GOLGA7: variants seen among roughly 807,000 people sequenced by gnomAD.
GOLGA7 encodes golgin A7.
In GOLGA7, 10 loss-of-function variants were observed where a neutral mutation model predicts 21.1. The observed-to-expected ratio is 0.47, with a 90% CI of 0.29 to 0.80. GOLGA7 has a LOEUF of 0.80. Ranked by LOEUF, GOLGA7 falls within the 30% of genes least tolerant of loss-of-function variation. The probability of loss-of-function intolerance (pLI) is 0.08; values close to 1 mark genes in which losing one functional copy is unlikely to be tolerated. For missense variants in GOLGA7, 114 were observed against 166.8 expected, an observed-to-expected ratio of 0.68 and a Z score of 1.74; for synonymous variants, 64 against 62.6, an observed-to-expected ratio of 1.02 and a Z score of -0.10.
chr8:41,504,120 TAA>T lies in GOLGA7; in HGVS notation c.265-1776_265-1775del, dbSNP rs58682911. On this transcript the variant is annotated intron_variant, in intron 2 of 4. Transcript: ENST00000357743. ...ATGTACCCTAAAACTTAGAGTATAATAAAAAAAAAAAAAAAACAAAACAAAAC... is the reference window on the plus strand; with the variant it reads ...ATGTACCCTAAAACTTAGAGTATAATAAAAAAAAAAAAAACAAAACAAAAC... Among the ~76,000 whole-genome samples the T allele has an allele frequency of 6.0e-3, 729 of 121,220 alleles. 5 individuals carry two copies. The highest frequency in any genetic ancestry group is 0.022 in the African/African-American group (702 of 31,496). 79.5% of individuals were successfully genotyped at this position (121,220 alleles called of 152,430 possible).
chr8:41,502,504 A>G (rs957964509), intron 2 of GOLGA7: 10 of 152,142 alleles, frequency 6.6e-5, no homozygotes, highest in African/African-American at 2.4e-4. Flanking sequence ...CTTCAGTGTT[A>G]TTTCTCTATT....
In GOLGA7 at chr8:41,510,865, T is replaced by A. The variant is rs1211242493; in HGVS notation, c.*1297T>A. On this transcript the variant is annotated 3_prime_UTR_variant, in exon 5 of 5. Transcript: ENST00000357743. ...ATCCCATAAGTATGTGTTAATATTT[T>A]AATTGTGTAAAACTCATTTGTTACT... 6.5e-6 allele frequency: 1 copy of A among 154,328 alleles called. No individual in the cohort carries two copies. Among genetic ancestry groups the A allele is most frequent in the Non-Finnish European group, 1.4e-5 (1 of 69,216 alleles). 9.6% of individuals were successfully genotyped at this position (154,328 alleles called of 1,614,324 possible). A position where few individuals can be genotyped will look rare whatever the true frequency, so the allele number is the denominator to read the frequency against.
rs1292464374 is a variant in GOLGA7, at chr8:41,509,993, C to T, written c.*425C>T. 1 of 152,548 alleles carries T rather than the reference C, an allele frequency of 6.6e-6. No homozygotes were observed. The highest frequency in any genetic ancestry group is 2.4e-5 in the African/African-American group (1 of 41,442). 9.4% of individuals were successfully genotyped at this position (152,548 alleles called of 1,614,324 possible). A position where few individuals can be genotyped will look rare whatever the true frequency, so the allele number is the denominator to read the frequency against. The stretch of plus-strand genomic sequence containing the variant: ...AGCCGTATCTTCACCAGTGTTCTAT[C>T]TTGTTCCCCTAAATTAATAAAATGT... On this transcript the variant is annotated 3_prime_UTR_variant, in exon 5 of 5. Coordinates refer to ENST00000357743, the MANE Select transcript of GOLGA7 (RefSeq NM_001002296.2).
rs185942508 is a variant in GOLGA7 at position 41,491,483 on chromosome 8, A to G, written c.111+518A>G. Among the ~76,000 whole-genome samples, 24 of 152,274 alleles carry G rather than the reference A, an allele frequency of 1.6e-4. No homozygotes were observed. In the East Asian group the frequency reaches 4.6e-3, roughly 29 times the overall value. On this transcript the variant is annotated intron_variant, in intron 1 of 4. Transcript: ENST00000357743. ...CGTTCAGGCTTTCTTGGAACCTTAAAGACGTCGGGCGTTAGATAGGCCTGG... is the reference window on the plus strand; with the variant it reads ...CGTTCAGGCTTTCTTGGAACCTTAAGGACGTCGGGCGTTAGATAGGCCTGG...
chr8:41,509,010 CT>C (rs1476087592), intron 4 of GOLGA7, among the ~76,000 whole-genome samples: 1 of 152,170 alleles, frequency 6.6e-6, no homozygotes, highest in African/African-American at 2.4e-5. Flanking sequence ...ACAAAAATGC[CT>C]TTCTTTAAGC....
At chr8:41,494,681 T>G (rs1805964381) in intron 1 of GOLGA7, among the ~76,000 whole-genome samples, 1 of 152,190 alleles carries the variant, frequency 6.6e-6, no homozygotes, top group Non-Finnish European at 1.5e-5. Context: ...CCCCTGCGTT[T>G]AAAGGCCGTC....
At chr8:41,494,113 T>G (rs1415795087) in intron 1 of GOLGA7, among the ~76,000 whole-genome samples, 1 of 152,242 alleles carries the variant, frequency 6.6e-6, no homozygotes, top group Non-Finnish European at 1.5e-5. Context: ...TTTGTTTGTT[T>G]GTTTAACTGA....
rs1004927084 is a variant in GOLGA7, at chr8:41,503,223, T to C, written c.265-2688T>C. On this transcript the variant is annotated intron_variant, in intron 2 of 4. Transcript: ENST00000357743. Reference sequence around the variant, plus strand: ...AAAGTTTATAAAAAAAAAAAAAGTGTCTGTTCATGTCCTTCGCCCACTTTT... The same window carrying C: ...AAAGTTTATAAAAAAAAAAAAAGTGCCTGTTCATGTCCTTCGCCCACTTTT... Among the ~76,000 whole-genome samples the C allele has an allele frequency of 2.0e-5, 3 of 146,604 alleles. 1 individual carries two copies. Among genetic ancestry groups the C allele is most frequent in the Admixed American group, 6.9e-5 (1 of 14,422 alleles).
Position 41,490,809 on chromosome 8 carries a change from G to T in GOLGA7, c.-46G>T, listed in dbSNP as rs1249179846. ...GTCCAGGCCGGGGCTCTGACTCGCG[G>T]TTGGTGTTCCCCCGACCCCGCAGCG... is the stretch of plus-strand genomic sequence containing the variant. On this transcript the variant is annotated 5_prime_UTR_variant, in exon 1 of 5. Transcript: ENST00000357743. 9.0e-7 allele frequency: 1 copy of T among 1,110,844 alleles called. No individual in the cohort carries two copies. Among genetic ancestry groups the T allele is most frequent in the African/African-American group, 1.5e-5 (1 of 64,928 alleles). 68.8% of individuals were successfully genotyped at this position (1,110,844 alleles called of 1,614,324 possible).
At chr8:41,506,444 G>A (rs1048137131) in intron 3 of GOLGA7, among the ~76,000 whole-genome samples, 13 of 152,166 alleles carry the variant, frequency 8.5e-5, no homozygotes, top group South Asian at 2.1e-4. Context: ...GCTGCCAGAT[G>A]TGTAATTTCA....
chr8:41,497,805 G>A, intron 2 of GOLGA7, 144 bp downstream of exon 2: 1 of 570,522 alleles, frequency 1.8e-6, no homozygotes, highest in Non-Finnish European at 3.2e-6. Context: ...TGTGTACAGA[G>A]GCACATAGTC....
chr8:41,494,498 TCGGTGG>T (rs1563414844), intron 1 of GOLGA7, among the ~76,000 whole-genome samples: 1 of 152,226 alleles, frequency 6.6e-6, no homozygotes, highest in Non-Finnish European at 1.5e-5. Flanking sequence ...TGTAGACTTA[TCGGTGG>T]ACAAACTGAA....
chr8:41,493,185 ATG>A (rs1336947041), intron 1 of GOLGA7, among the ~76,000 whole-genome samples: 9 of 152,212 alleles, frequency 5.9e-5, no homozygotes, highest in African/African-American at 2.2e-4. Flanking sequence ...TTGTCTGTGT[ATG>A]TGTGTTGAGA....
At chr8:41,502,936 T>A (rs1367426233) in intron 2 of GOLGA7, among the ~76,000 whole-genome samples, 1 of 152,182 alleles carries the variant, frequency 6.6e-6, no homozygotes, top group African/African-American at 2.4e-5. Flanking sequence ...TTCTTGGGGG[T>A]GAGAATGGCG....
Position 41,509,735 on chromosome 8 carries a change from T to C in GOLGA7, c.*167T>C, listed in dbSNP as rs1806375602. On this transcript the variant is annotated 3_prime_UTR_variant, in exon 5 of 5. Transcript: ENST00000357743. Reference sequence around the variant, plus strand: ...ACTTTCTAAAATTCCACACCTGGAGTGACCTCTAGTCGCTCAGCATCCACT... The same window carrying C: ...ACTTTCTAAAATTCCACACCTGGAGCGACCTCTAGTCGCTCAGCATCCACT... The C allele has an allele frequency of 1.3e-5, 2 of 152,650 alleles. No homozygotes were observed. The highest frequency in any genetic ancestry group is 4.8e-5 in the African/African-American group (2 of 41,448). 9.5% of individuals were successfully genotyped at this position (152,650 alleles called of 1,614,324 possible). A position where few individuals can be genotyped will look rare whatever the true frequency, so the allele number is the denominator to read the frequency against.
Position 41,497,676 on chromosome 8 carries a change from G to A in GOLGA7, c.264+15G>A. The A allele has an allele frequency of 7.1e-7, 1 of 1,418,254 alleles. No individual in the cohort carries two copies. The highest frequency in any genetic ancestry group is 1.2e-5 in the South Asian group (1 of 82,522). The allele number at this position is 1,418,254 out of a possible 1,614,324, so 87.9% of individuals were successfully genotyped here. A position where few individuals can be genotyped will look rare whatever the true frequency, so the allele number is the denominator to read the frequency against. On this transcript the variant is annotated intron_variant, in intron 2 of 4. Transcript: ENST00000357743. Reference sequence around the variant, plus strand: ...ATTATGAGAAGGTAATGCTACATTTGTTTTCACAAAAATCTCTTAAAATCA... The same window carrying A: ...ATTATGAGAAGGTAATGCTACATTTATTTTCACAAAAATCTCTTAAAATCA...
chr8:41,507,426 C>T (rs1338145478), intron 4 of GOLGA7, among the ~76,000 whole-genome samples: 2 of 152,016 alleles, frequency 1.3e-5, no homozygotes, highest in African/African-American at 4.8e-5. Flanking sequence ...TTTAATATTT[C>T]AAAACTATCC....
chr8:41,497,756 A>G, intron 2 of GOLGA7, 95 bp downstream of exon 2: 1 of 678,370 alleles, frequency 1.5e-6, no homozygotes, highest in Middle Eastern at 2.6e-4. Flanking sequence ...GTTGCCGTAA[A>G]ATATTTAGGG....
chr8:41,501,870 A>C (rs1020425206), intron 2 of GOLGA7, among the ~76,000 whole-genome samples: 1 of 152,242 alleles, frequency 6.6e-6, no homozygotes, highest in African/African-American at 2.4e-5. Context: ...AAATCTTGGA[A>C]GATGGTCCTA....
Sources: gnomAD v4.1 joint callset for allele counts (sites outside exome capture counted in the v4.1 genomes callset) on GRCh38, gnomAD v4.1.1 for gene constraint, MANE v1.5 for transcripts, NCBI Gene and HGNC (gene_info 2026-07-23, HGNC 2026-07-21) for gene names.